CIB4: variants seen among roughly 807,000 people sequenced by gnomAD.
The protein encoded by CIB4 is calcium and integrin binding family member 4, also known as calcium and integrin-binding family member 4.
In CIB4, 25 loss-of-function variants were observed where a neutral mutation model predicts 25.8. That is an observed-to-expected ratio of 0.97 (90% confidence interval 0.71 to 1.35). The LOEUF (loss-of-function observed/expected upper bound fraction) is 1.35, where lower values mean the gene tolerates loss of function less well. Among genes scored for constraint, CIB4 ranks in the 40% most tolerant of loss-of-function variants. CIB4 has a pLI of 0.00. For missense variants in CIB4, 235 were observed against 228.2 expected, an observed-to-expected ratio of 1.03 and a Z score of -0.19; for synonymous variants, 75 against 81.4, an observed-to-expected ratio of 0.92 and a Z score of 0.42.
chr2:26,601,231 A>AAAAAAAAAATATAT (rs1395827334), intron 3 of CIB4, among the ~76,000 whole-genome samples: 10 of 17,224 alleles, frequency 5.8e-4, no homozygotes, highest in African/African-American at 1.5e-3. Context: ...AAAAAAAAAA[A>AAAAAAAAAATATAT]ATATATATAT....
chr2:26,629,912 C>T (rs1669383864), intron 2 of CIB4, among the ~76,000 whole-genome samples: 1 of 152,156 alleles, frequency 6.6e-6, no homozygotes, highest in East Asian at 1.9e-4. Flanking sequence ...CCAGGGTCCC[C>T]ACCTCTGGCC....
chr2:26,597,377 A>G (rs1208762572), intron 3 of CIB4, among the ~76,000 whole-genome samples: 1 of 152,066 alleles, frequency 6.6e-6, no homozygotes, highest in African/African-American at 2.4e-5. Flanking sequence ...GATTTAAGAC[A>G]TATAGCCCAT....
chr2:26,606,101 A>T (rs1177471031), intron 3 of CIB4, among the ~76,000 whole-genome samples: 1 of 152,214 alleles, frequency 6.6e-6, no homozygotes, highest in South Asian at 2.1e-4. Context: ...CACAAAGCTC[A>T]TCGTCTGAAC....
chr2:26,595,374 C>G, intron 3 of CIB4, 57 bp from the exon 4 acceptor site: 1 of 1,567,216 alleles, frequency 6.4e-7, no homozygotes, highest in Non-Finnish European at 8.7e-7. Context: ...CTGTGTCTCC[C>G]TGGGTCTCTC....
At chr2:26,630,100 C>A (rs1030574501) in intron 2 of CIB4, among the ~76,000 whole-genome samples, 4 of 152,172 alleles carry the variant, frequency 2.6e-5, no homozygotes, top group Non-Finnish European at 5.9e-5. Flanking sequence ...TCCCTGTCAG[C>A]GATGTCTCTT....
intron 3 of CIB4, among the ~76,000 whole-genome samples, chr2:26,620,767 G>T (rs543863172): frequency 2.0e-5 from 3 of 152,240 alleles, no homozygotes; most frequent in East Asian, 3.9e-4. Flanking sequence ...TCTGAGGAAG[G>T]CTTCTGACGC....
intron 3 of CIB4, among the ~76,000 whole-genome samples, chr2:26,616,950 G>A (rs72493380): frequency 0.052 from 7,901 of 152,252 alleles, 608 homozygotes; most frequent in East Asian, 0.33. Flanking sequence ...AGGATTGGAA[G>A]GTGAGGGGAG....
chr2:26,593,882 C>A (rs1463884439), intron 4 of CIB4, among the ~76,000 whole-genome samples: 1 of 152,008 alleles, frequency 6.6e-6, no homozygotes, highest in African/African-American at 2.4e-5. Context: ...GAGATATGGG[C>A]GTAGTTTACA....
chr2:26,594,302 A>C (rs1475785797), intron 4 of CIB4, among the ~76,000 whole-genome samples: 1 of 152,232 alleles, frequency 6.6e-6, no homozygotes, highest in African/African-American at 2.4e-5. Flanking sequence ...GCTGAACCTG[A>C]GGACATATGA....
At chr2:26,620,700 A>AACAGCT (rs751908552) in intron 3 of CIB4, among the ~76,000 whole-genome samples, 4 of 152,180 alleles carry the variant, frequency 2.6e-5, no homozygotes, top group Non-Finnish European at 5.9e-5. Flanking sequence ...TCAGCTTTAA[A>AACAGCT]ACAGCTTTTT....
At chr2:26,608,902 C>T (rs1480726809) in intron 3 of CIB4, among the ~76,000 whole-genome samples, 1 of 152,214 alleles carries the variant, frequency 6.6e-6, no homozygotes, top group Non-Finnish European at 1.5e-5. Context: ...TCTCTCGTCG[C>T]TCATGGTCAC....
chr2:26,599,773 C>T (rs1668746987), intron 3 of CIB4, among the ~76,000 whole-genome samples: 2 of 152,112 alleles, frequency 1.3e-5, no homozygotes, highest in African/African-American at 4.8e-5. Flanking sequence ...GCTACCCACT[C>T]TTATTAAAAT....
At chr2:26,616,249 G>A (rs530839592) in intron 3 of CIB4, among the ~76,000 whole-genome samples, 2 of 152,362 alleles carry the variant, frequency 1.3e-5, no homozygotes, top group East Asian at 3.9e-4. Context: ...CAGCCAGCTG[G>A]CCTGAGGTCA....
chr2:26,634,241 CA>C (rs1400462107), intron 2 of CIB4, among the ~76,000 whole-genome samples: 1 of 152,306 alleles, frequency 6.6e-6, no homozygotes. Flanking sequence ...TTTCTGGCTT[CA>C]CCCCCACCCC....
At chr2:26,640,955 G>C (rs893509544) in intron 1 of CIB4, among the ~76,000 whole-genome samples, 3 of 152,214 alleles carry the variant, frequency 2.0e-5, no homozygotes, top group Non-Finnish European at 4.4e-5. Context: ...GAGCAAGCTT[G>C]TCCAACCCAC....
chr2:26,618,344 G>T (rs747439824), intron 3 of CIB4, among the ~76,000 whole-genome samples: 3 of 152,190 alleles, frequency 2.0e-5, no homozygotes, highest in Non-Finnish European at 4.4e-5. Flanking sequence ...GGAGTGCAAT[G>T]GTGCCATCAT....
rs180907324 is a variant in CIB4, at chr2:26,606,104, G to A, written c.187-10787C>T. ...TGGGAATGAAGACACAAAGCTCATC[G>A]TCTGAACTTCAAGTCCTTGCCGCAA... is the stretch of plus-strand genomic sequence containing the variant. On this transcript the variant is annotated intron_variant, in intron 3 of 6. Transcript: ENST00000288861. 2.9e-4 allele frequency among the ~76,000 whole-genome samples: 44 copies of A among 152,286 alleles called. No individual in the cohort carries two copies. The East Asian group carries it at 7.7e-3, about 27-fold the overall frequency.
At chr2:26,636,892 C>G (rs571859274) in intron 2 of CIB4, among the ~76,000 whole-genome samples, 15 of 152,270 alleles carry the variant, frequency 9.9e-5, no homozygotes, top group African/African-American at 3.6e-4. Context: ...TGGAAGCACT[C>G]AGGATCTTCT....
chr2:26,632,113 C>T (rs752670868), intron 2 of CIB4, among the ~76,000 whole-genome samples: 5 of 152,226 alleles, frequency 3.3e-5, no homozygotes, highest in African/African-American at 2.4e-5. Context: ...GGCAAACTGC[C>T]GGACCTCTCT....
Sources: allele counts gnomAD v4.1 joint callset (sites outside exome capture counted in the v4.1 genomes callset), GRCh38; gene constraint gnomAD v4.1.1; transcripts MANE v1.5; gene names NCBI Gene and HGNC (gene_info 2026-07-23, HGNC 2026-07-21).